ANKEF1: variants seen among roughly 807,000 people sequenced by gnomAD.
ANKEF1 encodes ankyrin repeat and EF-hand domain-containing protein 1.
ANKEF1 carries 43 observed loss-of-function variants against 65.1 expected under a neutral mutation model. The ratio of observed to expected loss-of-function variants is 0.66; its 90% CI spans 0.52 to 0.85. The LOEUF (loss-of-function observed/expected upper bound fraction) is 0.85, where lower values mean the gene tolerates loss of function less well. Ranked by LOEUF, ANKEF1 falls within the 40% of genes least tolerant of loss-of-function variation. ANKEF1 has a pLI of 0.00. For synonymous variants in ANKEF1, 316 were observed against 341.5 expected (o/e 0.93, Z 0.82); for missense variants, 934 against 952.9 (o/e 0.98, Z 0.26).
intron 9 of ANKEF1, 114 bp from the exon 10 acceptor site, chr20:10,054,348 C>T (rs1201278951): frequency 1.2e-5 from 9 of 765,882 alleles, no homozygotes; most frequent in Non-Finnish European, 1.8e-5. Context: ...ATAACTTGTA[C>T]AGTAGCATTT....
chr20:10,052,509 A>G (rs1039482874), intron 8 of ANKEF1, among the ~76,000 whole-genome samples: 1 of 152,194 alleles, frequency 6.6e-6, no homozygotes, highest in Non-Finnish European at 1.5e-5. Flanking sequence ...ATTTGAATAT[A>G]TTTGAGCTCC....
chr20:10,050,263 C>A, intron 7 of ANKEF1, 51 bp downstream of exon 7: 2 of 1,438,790 alleles, frequency 1.4e-6, no homozygotes, highest in Non-Finnish European at 1.9e-6. Context: ...CTTCACATTT[C>A]AAGGAAGTGA....
At chr20:10,044,367 T>C (rs763943502) in intron 4 of ANKEF1, 27 bp from the exon 5 acceptor site, 1 of 1,612,224 alleles carries the variant, frequency 6.2e-7, no homozygotes, top group Non-Finnish European at 8.5e-7. Flanking sequence ...ATAAACAGCA[T>C]CTCATATTGG....
chr20:10,048,259 T>G (rs960619017), intron 6 of ANKEF1, among the ~76,000 whole-genome samples: 1 of 145,172 alleles, frequency 6.9e-6, no homozygotes, highest in African/African-American at 2.6e-5. Context: ...TAAAATAGAT[T>G]TATTTTTCTT....
chr20:10,043,004 G>A (rs1321635559), intron 3 of ANKEF1, 118 bp from the exon 4 acceptor site: 3 of 964,640 alleles, frequency 3.1e-6, no homozygotes, highest in Non-Finnish European at 4.6e-6. Flanking sequence ...TTTCAGAGAG[G>A]AAACTGAGGC....
chr20:10,037,210 G>A (rs993912130), intron 2 of ANKEF1, among the ~76,000 whole-genome samples: 3 of 152,176 alleles, frequency 2.0e-5, no homozygotes, highest in African/African-American at 7.2e-5. Flanking sequence ...GGGAGAAGAT[G>A]TATTTACCCA....
At chr20:10,043,652 CTTTTTTT>C (rs374135080) in intron 4 of ANKEF1, among the ~76,000 whole-genome samples, 3 of 81,372 alleles carry the variant, frequency 3.7e-5, no homozygotes, top group South Asian at 5.1e-4. Context: ...TTTTCTTTTC[CTTTTTTT>C]TTTTTTTTTT....
At chr20:10,046,131 CA>C (rs1984513962) in intron 6 of ANKEF1, among the ~76,000 whole-genome samples, 1 of 151,994 alleles carries the variant, frequency 6.6e-6, no homozygotes, top group African/African-American at 2.4e-5. Context: ...AAAAATTAGC[CA>C]GGGGTGGTGA....
intron 8 of ANKEF1, among the ~76,000 whole-genome samples, chr20:10,052,645 ATAT>A (rs1433389735): frequency 1.3e-5 from 2 of 152,040 alleles, no homozygotes; most frequent in Admixed American, 1.3e-4. Flanking sequence ...CTGCCTGATG[ATAT>A]TATAGGTAAC....
At position 10,049,590 on chromosome 20, in the gene ANKEF1, C is replaced by T. The variant is rs1358177324; in HGVS notation, c.1021C>T (p.Arg341Trp). ...DWSVEREAFL[R>W]EAFAVLDRGD... Reference sequence around the variant, plus strand: ...GTCCGTAGAACGTGAGGCTTTCCTCCGGGAAGCCTTTGCGGTTTTAGACAG... The same window carrying T: ...GTCCGTAGAACGTGAGGCTTTCCTCTGGGAAGCCTTTGCGGTTTTAGACAG... Residue 341 changes from arginine (R) to tryptophan (W), a missense_variant, in exon 7 of 11, where the codon CGG (arginine) becomes TGG (tryptophan). Arg to Trp is a moderately radical substitution (Grantham distance 101, BLOSUM62 -3). Transcript: ENST00000378392. The T allele has an allele frequency of 3.1e-6, 5 of 1,613,954 alleles. No individual in the cohort carries two copies. Among genetic ancestry groups the T allele is most frequent in the Non-Finnish European group, 3.4e-6 (4 of 1,180,014 alleles).
chr20:10,049,662 G>C lies in ANKEF1; in HGVS notation c.1093G>C (p.Glu365Gln). Residue 365 changes from glutamate (E) to glutamine (Q), a missense_variant, in exon 7 of 11, where the codon GAA (glutamate) becomes CAA (glutamine). By Grantham distance (29) the Glu-to-Gln change is conservative. Coordinates refer to ENST00000378392, the MANE Select transcript of ANKEF1 (RefSeq NM_022096.6). ...GAACGACTTCGTGATGGTGTTGGAG[G>C]AAAGGCAGGATTATGCAAGCTCAGA... is the stretch of plus-strand genomic sequence containing the variant. ...SKNDFVMVLE[E>Q]RQDYASSEQL... The C allele has an allele frequency of 6.2e-7, 1 of 1,614,142 alleles. No homozygotes were observed. Among genetic ancestry groups the C allele is most frequent in the Middle Eastern group, 1.6e-4 (1 of 6,062 alleles).
chr20:10,038,417 TA>T lies in ANKEF1; in HGVS notation c.118del (p.Ile40SerfsTer15). 1 of 1,614,084 alleles carries T rather than the reference TA, an allele frequency of 6.2e-7. No homozygotes were observed. The highest frequency in any genetic ancestry group is 8.5e-7 in the Non-Finnish European group (1 of 1,179,924). The stretch of plus-strand genomic sequence containing the variant: ...CTGACCAAGCTTGGATACCCTGAAC[TA>T]ATCAATTATACAGAACCCATTAATG... Reference protein sequence around the residue: ...EKLTKLGYPELINYTEPINGL... With the variant: ...EKLTKLGYPEXINYTEPINGL... On this transcript the variant is annotated frameshift_variant, in exon 3 of 11. Transcript: ENST00000378392. LOFTEE classifies it high-confidence loss of function.
chr20:10,054,812 G>A (rs1395258843), intron 10 of ANKEF1, among the ~76,000 whole-genome samples: 1 of 152,110 alleles, frequency 6.6e-6, no homozygotes, highest in Non-Finnish European at 1.5e-5. Context: ...TACTATTTCT[G>A]TATTGAGATT....
At chr20:10,035,507 C>T (rs539711229) in intron 1 of ANKEF1, 72 bp from the exon 2 acceptor site, 76 of 152,362 alleles carry the variant, frequency 5.0e-4, no homozygotes, top group African/African-American at 1.6e-3. Flanking sequence ...TTGGTGTATT[C>T]ATAAGGAGCC....
rs1441206043 is a variant in ANKEF1, at chr20:10,056,031, T to G, written c.*371T>G. The G allele has an allele frequency of 6.1e-6, 1 of 164,376 alleles. No homozygotes were observed. Among genetic ancestry groups the G allele is most frequent in the Non-Finnish European group, 1.3e-5 (1 of 74,792 alleles). The allele number at this position is 164,376 out of a possible 1,614,324, so 10.2% of individuals were successfully genotyped here. On this transcript the variant is annotated 3_prime_UTR_variant, in exon 11 of 11. Coordinates refer to ENST00000378392, the MANE Select transcript of ANKEF1 (RefSeq NM_022096.6). ...CAGAGTCTCACTATATTGCCCCAGC[T>G]GGTCTCGAACTCTTGAGCTCAGGCA...
At position 10,054,473 on chromosome 20, in the gene ANKEF1, A is replaced by T; in HGVS notation, c.2046A>T (p.Ser682=). The T allele has an allele frequency of 6.4e-7, 1 of 1,551,896 alleles. No individual in the cohort carries two copies. Among genetic ancestry groups the T allele is most frequent in the South Asian group, 1.3e-5 (1 of 79,930 alleles). Residue 682 remains serine (S), a synonymous_variant, in exon 10 of 11, where the codon TCA becomes TCT. Transcript: ENST00000378392. ...PEIKKEEELL[S]SIYGVPTTSE... is the part of the protein sequence containing the mutation. ...GTTCTTGTTTCCAGGAACTGCTGTCATCAATTTATGGTGTACCAACCACAT... is the reference window on the plus strand; with the variant it reads ...GTTCTTGTTTCCAGGAACTGCTGTCTTCAATTTATGGTGTACCAACCACAT...
chr20:10,035,797 G>T (rs1023115070), intron 2 of ANKEF1, among the ~76,000 whole-genome samples, 155 bp downstream of exon 2: 6 of 152,012 alleles, frequency 3.9e-5, no homozygotes, highest in Non-Finnish European at 8.8e-5. Flanking sequence ...CTTCCTTGTC[G>T]CACAGCCCCC....
chr20:10,042,011 A>C (rs1401954645), intron 3 of ANKEF1, among the ~76,000 whole-genome samples: 1 of 152,180 alleles, frequency 6.6e-6, no homozygotes, highest in Non-Finnish European at 1.5e-5. Flanking sequence ...TTGTTGTGAT[A>C]AATTTTTGAG....
At chr20:10,049,294 A>G in intron 6 of ANKEF1, 96 bp from the exon 7 acceptor site, 2 of 1,174,638 alleles carry the variant, frequency 1.7e-6, no homozygotes, top group Non-Finnish European at 2.4e-6. Flanking sequence ...ATTTTTTACT[A>G]ATCACGAGAA....
Sources: allele counts gnomAD v4.1 joint callset (sites outside exome capture counted in the v4.1 genomes callset), GRCh38; gene constraint gnomAD v4.1.1; transcripts MANE v1.5; gene names NCBI Gene and HGNC (gene_info 2026-07-23, HGNC 2026-07-21).